Variants in NEGR1 observed in about 807,000 individuals in gnomAD.
NEGR1 encodes neuronal growth regulator 1.
A neutral mutation model predicts 40.9 loss-of-function variants in NEGR1; 10 were observed. That is an observed-to-expected ratio of 0.24 (90% confidence interval 0.15 to 0.42). The LOEUF (loss-of-function observed/expected upper bound fraction) is 0.42, where lower values mean the gene tolerates loss of function less well. Ranked by LOEUF, NEGR1 falls within the 10% of genes least tolerant of loss-of-function variation. The probability of loss-of-function intolerance (pLI) is 1.00; values close to 1 mark genes in which losing one functional copy is unlikely to be tolerated. For synonymous variants in NEGR1, 185 were observed against 166.8 expected (o/e 1.11, Z -0.84); for missense variants, 352 against 438.9 (o/e 0.80, Z 1.77).
At chr1:71,625,555 G>A (rs959720625) in intron 4 of NEGR1, among the ~76,000 whole-genome samples, 1 of 151,558 alleles carries the variant, frequency 6.6e-6, no homozygotes, top group Non-Finnish European at 1.5e-5. Context: ...TATATATAAG[G>A]GACTAGAGCA....
At chr1:71,487,905 A>T (rs949912863) in intron 6 of NEGR1, 2 of 151,774 alleles carry the variant, frequency 1.3e-5, no homozygotes, top group African/African-American at 4.8e-5. Context: ...TTTTCTAAAA[A>T]CATGTTGATC....
intron 2 of NEGR1, among the ~76,000 whole-genome samples, chr1:71,873,255 T>C (rs1435031725): frequency 6.6e-6 from 1 of 151,702 alleles, no homozygotes; most frequent in Non-Finnish European, 1.5e-5. Flanking sequence ...AAAACATATG[T>C]AAATATATAA....
At chr1:71,442,616 A>AAAAT (rs1204429777) in intron 6 of NEGR1, among the ~76,000 whole-genome samples, 6 of 152,162 alleles carry the variant, frequency 3.9e-5, no homozygotes, top group East Asian at 1.9e-4. Context: ...TCCGTCTCAA[A>AAAAT]AAATAAATAA....
At chr1:71,431,103 A>G (rs1646465387) in intron 6 of NEGR1, among the ~76,000 whole-genome samples, 1 of 144,540 alleles carries the variant, frequency 6.9e-6, no homozygotes, top group Non-Finnish European at 1.5e-5. Flanking sequence ...TATGATCATA[A>G]AAAAGGTCAA....
At chr1:72,147,683 T>G (rs1650962074) in intron 1 of NEGR1, among the ~76,000 whole-genome samples, 1 of 152,138 alleles carries the variant, frequency 6.6e-6, no homozygotes, top group African/African-American at 2.4e-5. Flanking sequence ...CCCTTCCTCC[T>G]GAGCCTGTAA....
At chr1:72,165,595 C>G (rs1419751384) in intron 1 of NEGR1, among the ~76,000 whole-genome samples, 1 of 151,986 alleles carries the variant, frequency 6.6e-6, no homozygotes, top group Non-Finnish European at 1.5e-5. Flanking sequence ...CTTCCATTGC[C>G]ATACTCTTTC....
intron 1 of NEGR1, among the ~76,000 whole-genome samples, chr1:71,964,176 A>G (rs1646191496): frequency 6.6e-6 from 1 of 152,112 alleles, no homozygotes; most frequent in Admixed American, 6.6e-5. Flanking sequence ...TTACAAAATG[A>G]CCACATCGCC....
At chr1:71,970,905 T>G (rs1244835531) in intron 1 of NEGR1, among the ~76,000 whole-genome samples, 43 of 152,190 alleles carry the variant, frequency 2.8e-4, no homozygotes, top group Non-Finnish European at 8.8e-5. Context: ...TCCACCATTG[T>G]ACTGGTAGGA....
At chr1:72,177,959 T>C (rs1337524553) in intron 1 of NEGR1, among the ~76,000 whole-genome samples, 1 of 151,930 alleles carries the variant, frequency 6.6e-6, no homozygotes, top group Non-Finnish European at 1.5e-5. Flanking sequence ...TAAATATGGG[T>C]TTTGAAAAAG....
chr1:71,905,512 T>G (rs568251798), intron 2 of NEGR1, among the ~76,000 whole-genome samples: 1 of 152,206 alleles, frequency 6.6e-6, no homozygotes, highest in South Asian at 2.1e-4. Flanking sequence ...CTTAGAACAA[T>G]GTAAATATAA....
chr1:71,814,078 C>A (rs923032901), intron 2 of NEGR1, among the ~76,000 whole-genome samples: 1 of 152,036 alleles, frequency 6.6e-6, no homozygotes, highest in South Asian at 2.1e-4. Flanking sequence ...TCATAAATGG[C>A]TCTTAATATT....
intron 1 of NEGR1, among the ~76,000 whole-genome samples, chr1:71,939,875 T>G (rs12035495): frequency 0.12 from 18,806 of 152,232 alleles, 1,614 homozygotes; most frequent in East Asian, 0.43. Context: ...AAGCCTCACA[T>G]AACCCTATGA....
chr1:71,431,462 C>T (rs1207972464), intron 6 of NEGR1, among the ~76,000 whole-genome samples: 1 of 152,088 alleles, frequency 6.6e-6, no homozygotes, highest in Non-Finnish European at 1.5e-5. Flanking sequence ...ATAGAAATTC[C>T]ACACTTCTAA....
chr1:71,494,911 C>T (rs1164313589), intron 6 of NEGR1, among the ~76,000 whole-genome samples: 4 of 152,106 alleles, frequency 2.6e-5, no homozygotes, highest in Non-Finnish European at 2.9e-5. Context: ...CAAGAGCAAA[C>T]CTTTCTCTTT....
At chr1:71,905,865 A>AG (rs2101867972) in intron 2 of NEGR1, among the ~76,000 whole-genome samples, 1 of 62,722 alleles carries the variant, frequency 1.6e-5, no homozygotes, top group South Asian at 5.9e-4. Flanking sequence ...AGGTTGTTAC[A>AG]AAAAAAAAAA....
intron 2 of NEGR1, among the ~76,000 whole-genome samples, chr1:71,856,220 C>A (rs1420280710): frequency 2.6e-5 from 4 of 151,952 alleles, no homozygotes; most frequent in Non-Finnish European, 5.9e-5. Context: ...AAGTGCCCTA[C>A]CAGTCGATAG....
chr1:71,765,333 C>A (rs1033078837), intron 3 of NEGR1, among the ~76,000 whole-genome samples: 1 of 152,156 alleles, frequency 6.6e-6, no homozygotes, highest in African/African-American at 2.4e-5. Flanking sequence ...ATCTCAACAA[C>A]TTTTTGCAGG....
chr1:71,444,494 C>T (rs1417920432), intron 6 of NEGR1, among the ~76,000 whole-genome samples: 2 of 151,890 alleles, frequency 1.3e-5, no homozygotes, highest in African/African-American at 2.4e-5. Flanking sequence ...TCCCATGACA[C>T]GTGGGATATC....
chr1:72,121,406 T>C (rs1649801393), intron 1 of NEGR1, among the ~76,000 whole-genome samples: 1 of 152,004 alleles, frequency 6.6e-6, no homozygotes, highest in South Asian at 2.1e-4. Context: ...AAATGTATCA[T>C]ACCTAAGCAT....
Sources: allele counts gnomAD v4.1 joint callset (sites outside exome capture counted in the v4.1 genomes callset), GRCh38; gene constraint gnomAD v4.1.1; transcripts MANE v1.5; gene names NCBI Gene and HGNC (gene_info 2026-07-23, HGNC 2026-07-21).